Variants in RIMS1 observed in about 807,000 individuals in gnomAD.
The protein encoded by RIMS1 is regulating synaptic membrane exocytosis protein 1.
A neutral mutation model predicts 214.1 loss-of-function variants in RIMS1; 83 were observed. The observed-to-expected ratio is 0.39, with a 90% CI of 0.32 to 0.47. The LOEUF (loss-of-function observed/expected upper bound fraction) is 0.47. Among genes scored for constraint, RIMS1 ranks in the 20% least tolerant of loss-of-function variants. The pLI is 0.99. For synonymous variants in RIMS1, 793 were observed against 786.8 expected (o/e 1.01, Z -0.13); for missense variants, 2,050 against 2,161.8 (o/e 0.95, Z 1.03).
intron 16 of RIMS1, among the ~76,000 whole-genome samples, chr6:72,255,620 A>G (rs527851155): frequency 1.3e-5 from 2 of 152,308 alleles, no homozygotes; most frequent in Admixed American, 6.5e-5. Context: ...AGAAGAATAA[A>G]AATAACCATA....
At chr6:72,368,448 C>T (rs1595475075) in intron 29 of RIMS1, among the ~76,000 whole-genome samples, 2 of 140,628 alleles carry the variant, frequency 1.4e-5, no homozygotes, top group South Asian at 2.5e-4. Context: ...ACTACCACGC[C>T]CAGATAATTT....
intron 2 of RIMS1, among the ~76,000 whole-genome samples, chr6:72,077,131 G>A (rs1832109602): frequency 6.6e-6 from 1 of 152,098 alleles, no homozygotes; most frequent in Non-Finnish European, 1.5e-5. Context: ...CACATGAGTG[G>A]AAGGCGTGTT....
chr6:72,273,352 C>CAGT (rs1180955269), intron 22 of RIMS1, among the ~76,000 whole-genome samples: 1 of 151,968 alleles, frequency 6.6e-6, no homozygotes, highest in Non-Finnish European at 1.5e-5. Flanking sequence ...TAAGACTATC[C>CAGT]AGTTATTCCT....
Position 71,886,925 on chromosome 6 carries a change from G to A in RIMS1, c.-99G>A. 7.1e-7 allele frequency: 1 copy of A among 1,416,764 alleles called. No individual in the cohort carries two copies. The highest frequency in any genetic ancestry group is 2.3e-5 in the East Asian group (1 of 42,734). 87.8% of individuals were successfully genotyped at this position (1,416,764 alleles called of 1,614,324 possible). A position where few individuals can be genotyped will look rare whatever the true frequency, so the allele number is the denominator to read the frequency against. On this transcript the variant is annotated 5_prime_UTR_variant, in exon 1 of 34. Transcript: ENST00000521978. Reference sequence around the variant, plus strand: ...GCTCCTCCTCCTGCCGCCGCCGCTAGGGCTCCGCTGTGAGGGGGAAGCAGG... The same window carrying A: ...GCTCCTCCTCCTGCCGCCGCCGCTAAGGCTCCGCTGTGAGGGGGAAGCAGG...
intron 6 of RIMS1, among the ~76,000 whole-genome samples, chr6:72,190,017 G>A (rs1198701014): frequency 1.3e-5 from 2 of 152,168 alleles, no homozygotes; most frequent in Non-Finnish European, 2.9e-5. Context: ...TGACCATCCA[G>A]CCAAACCATT....
intron 4 of RIMS1, among the ~76,000 whole-genome samples, chr6:72,168,534 C>T (rs950790214): frequency 6.6e-6 from 1 of 152,064 alleles, no homozygotes; most frequent in Non-Finnish European, 1.5e-5. Context: ...GGGGAACATG[C>T]ACAGTGTGTT....
At position 72,122,348 on chromosome 6, in the gene RIMS1, G is replaced by T. The variant is rs555100555; in HGVS notation, c.471+22362G>T. On this transcript the variant is annotated intron_variant, in intron 4 of 33. Coordinates refer to ENST00000521978, the MANE Select transcript of RIMS1 (RefSeq NM_014989.7). ...GCCTTTTAAGTAGCTGGGACTACAG[G>T]TGCCTGCCACTGCACCTGGCTAATT... 1.7e-3 allele frequency among the ~76,000 whole-genome samples: 261 copies of T among 151,408 alleles called. 2 individuals are homozygous for T. The highest frequency in any genetic ancestry group is 6.2e-3 in the African/African-American group (255 of 41,368).
chr6:72,046,826 TA>T (rs1366486284), intron 2 of RIMS1, among the ~76,000 whole-genome samples: 3 of 152,164 alleles, frequency 2.0e-5, no homozygotes, highest in African/African-American at 7.2e-5. Flanking sequence ...TCTGCTCCCA[TA>T]TTTATACTTC....
chr6:72,271,611 A>G (rs2083431747), intron 22 of RIMS1, among the ~76,000 whole-genome samples: 1 of 152,130 alleles, frequency 6.6e-6, no homozygotes, highest in Admixed American at 6.5e-5. Flanking sequence ...TTAATAATAC[A>G]CATATACATT....
At chr6:72,276,645 A>G (rs949647373) in intron 23 of RIMS1, among the ~76,000 whole-genome samples, 11 of 152,148 alleles carry the variant, frequency 7.2e-5, no homozygotes, top group Admixed American at 3.3e-4. Flanking sequence ...ACCAAAATAA[A>G]TACACTTTAC....
intron 21 of RIMS1, 93 bp from the exon 22 acceptor site, chr6:72,265,867 C>T: frequency 1.2e-6 from 1 of 810,662 alleles, no homozygotes; most frequent in Non-Finnish European, 2.0e-6. Flanking sequence ...GTAAAGGGGA[C>T]ATTATTTTAT....
chr6:72,115,095 C>T (rs1183696874), intron 4 of RIMS1, among the ~76,000 whole-genome samples: 1 of 151,798 alleles, frequency 6.6e-6, no homozygotes, highest in African/African-American at 2.4e-5. Flanking sequence ...AACCCAGTTT[C>T]TGTTTCATGA....
Position 72,183,137 on chromosome 6 carries a change from G to C in RIMS1, c.1666G>C (p.Val556Leu), listed in dbSNP as rs1482800856. The C allele has an allele frequency of 6.3e-7, 1 of 1,591,416 alleles. No individual in the cohort carries two copies. Among genetic ancestry groups the C allele is most frequent in the African/African-American group, 1.3e-5 (1 of 74,556 alleles). ...GGACGTGGAGCTGGAGAGCGAGAGCGTCAGCGAGAAAGGTAAGGGGGCGGC... is the reference window on the plus strand; with the variant it reads ...GGACGTGGAGCTGGAGAGCGAGAGCCTCAGCGAGAAAGGTAAGGGGGCGGC... Reference protein sequence around the residue: ...CEDVELESESVSEKGDLDYYW... With the variant: ...CEDVELESESLSEKGDLDYYW... The change falls in exon 6 of 34, where the codon GTC (valine) becomes CTC (leucine). Residue 556 changes from valine (V) to leucine (L), a missense_variant. Physicochemically the swap from Val to Leu is conservative, Grantham distance 32. Transcript: ENST00000521978.
intron 4 of RIMS1, among the ~76,000 whole-genome samples, chr6:72,133,375 C>T (rs2040769449): frequency 6.6e-6 from 1 of 152,018 alleles, no homozygotes; most frequent in African/African-American, 2.4e-5. Context: ...AAAGGCTGCT[C>T]CAATTTAGCA....
chr6:72,085,899 C>G (rs1834550889), intron 2 of RIMS1, among the ~76,000 whole-genome samples: 1 of 152,074 alleles, frequency 6.6e-6, no homozygotes. Flanking sequence ...AAACAGAGGA[C>G]CTAATTATCA....
At chr6:72,122,265 C>T (rs1449479082) in intron 4 of RIMS1, among the ~76,000 whole-genome samples, 3 of 143,102 alleles carry the variant, frequency 2.1e-5, no homozygotes, top group Admixed American at 7.4e-5. Flanking sequence ...ACTGCAGTGG[C>T]GCTATCTTGG....
chr6:72,115,294 C>G (rs1049836046), intron 4 of RIMS1, among the ~76,000 whole-genome samples: 5 of 151,786 alleles, frequency 3.3e-5, no homozygotes. Flanking sequence ...TATTTTAATT[C>G]ACTTTTTTAT....
chr6:72,150,584 G>A (rs1331885731), intron 4 of RIMS1, among the ~76,000 whole-genome samples: 2 of 152,176 alleles, frequency 1.3e-5, no homozygotes, highest in Non-Finnish European at 2.9e-5. Flanking sequence ...ATAGATACAG[G>A]TTATTGTGCA....
At chr6:72,363,007 A>G (rs74893909) in intron 29 of RIMS1, among the ~76,000 whole-genome samples, 1,927 of 152,320 alleles carry the variant, frequency 0.013, 23 homozygotes, top group African/African-American at 0.03. Context: ...GTAACAAGAA[A>G]ACAGAAACAG....
Sources: gnomAD v4.1 joint callset for allele counts (sites outside exome capture counted in the v4.1 genomes callset) on GRCh38, gnomAD v4.1.1 for gene constraint, MANE v1.5 for transcripts, NCBI Gene and HGNC (gene_info 2026-07-23, HGNC 2026-07-21) for gene names.